The following NELL1 variants were observed in gnomAD, a reference collection of about 807,000 sequenced individuals.
The protein encoded by NELL1 is neural EGFL like 1, also known as protein kinase C-binding protein NELL1.
Under a neutral mutation model 107.4 loss-of-function variants are expected in NELL1, and 76 were observed. The observed-to-expected ratio is 0.71, with a 90% confidence interval of 0.59 to 0.86. NELL1 has a LOEUF of 0.86. Ranked by LOEUF, NELL1 falls within the 40% of genes least tolerant of loss-of-function variation. The pLI, the probability that NELL1 is intolerant of heterozygous loss-of-function variation, is 0.00. For missense variants in NELL1, 1,024 were observed against 1,005.5 expected (o/e 1.02, Z -0.25); for synonymous variants, 353 against 341.2 (o/e 1.03, Z -0.38).
At chr11:21,492,460 G>A (rs370158734) in intron 15 of NELL1, among the ~76,000 whole-genome samples, 5 of 151,472 alleles carry the variant, frequency 3.3e-5, no homozygotes, top group South Asian at 2.1e-4. Context: ...TGTTTATTGC[G>A]GCACTATTCA....
intron 15 of NELL1, among the ~76,000 whole-genome samples, chr11:21,397,376 T>C (rs919598637): frequency 6.6e-6 from 1 of 151,554 alleles, no homozygotes; most frequent in African/African-American, 2.4e-5. Context: ...AAGTAGTATA[T>C]TTTTATTGTA....
chr11:20,856,413 T>C (rs1360750171), intron 4 of NELL1, among the ~76,000 whole-genome samples: 2 of 152,212 alleles, frequency 1.3e-5, no homozygotes, highest in African/African-American at 4.8e-5. Flanking sequence ...CCCTACTCAT[T>C]AGAGTCTATT....
At chr11:20,815,099 C>CT (rs1857595234) in intron 3 of NELL1, among the ~76,000 whole-genome samples, 3 of 152,150 alleles carry the variant, frequency 2.0e-5, no homozygotes, top group African/African-American at 4.8e-5. Context: ...AAGTCTCTCT[C>CT]TGTCGCCCAG....
chr11:21,039,465 C>T (rs1037663509), intron 12 of NELL1, among the ~76,000 whole-genome samples: 3 of 152,062 alleles, frequency 2.0e-5, no homozygotes, highest in Admixed American at 2.0e-4. Context: ...GGATTACAGG[C>T]GTGAGCCACC....
In NELL1 at chr11:20,885,611, A is replaced by C. The variant is rs1849494270; in HGVS notation, c.603+71A>C. The C allele has an allele frequency of 5.3e-6, 5 of 951,496 alleles. No homozygotes were observed. The African/African-American group carries it at 6.5e-5, about 12-fold the overall frequency. The allele number at this position is 951,496 out of a possible 1,614,324, so 58.9% of individuals were successfully genotyped here. On this transcript the variant is annotated intron_variant, in intron 5 of 19. Transcript: ENST00000357134. The stretch of plus-strand genomic sequence containing the variant: ...CTCAGTTTTCTGTGTTATTTATTGG[A>C]GCCGTGTTTATAATTACATTAGTGG...
chr11:21,384,034 C>A (rs1487847468), intron 15 of NELL1: 3 of 151,910 alleles, frequency 2.0e-5, no homozygotes, highest in African/African-American at 4.8e-5. Context: ...CATTCAAATT[C>A]TTTGGCTTAA....
chr11:21,273,000 TCTC>T (rs1420167405), intron 14 of NELL1, among the ~76,000 whole-genome samples: 1 of 152,072 alleles, frequency 6.6e-6, no homozygotes, highest in African/African-American at 2.4e-5. Context: ...GAGCACCTCT[TCTC>T]CTCCAAAGGA....
At chr11:21,221,072 T>C (rs1260009335) in intron 13 of NELL1, among the ~76,000 whole-genome samples, 1 of 152,196 alleles carries the variant, frequency 6.6e-6, no homozygotes, top group African/African-American at 2.4e-5. Context: ...AGAGTTTTTA[T>C]CATGAAGTGA....
chr11:21,253,854 A>T (rs1423178541), intron 14 of NELL1, among the ~76,000 whole-genome samples: 1 of 152,160 alleles, frequency 6.6e-6, no homozygotes, highest in Non-Finnish European at 1.5e-5. Context: ...TAAACAAGCA[A>T]ATCAAGGCAA....
At chr11:21,305,543 T>G (rs1467695658) in intron 14 of NELL1, among the ~76,000 whole-genome samples, 1 of 151,818 alleles carries the variant, frequency 6.6e-6, no homozygotes, top group Non-Finnish European at 1.5e-5. Context: ...AAAAAGAATA[T>G]GATAAATAGC....
At chr11:20,861,743 C>T (rs1428880986) in intron 4 of NELL1, among the ~76,000 whole-genome samples, 1 of 152,188 alleles carries the variant, frequency 6.6e-6, no homozygotes, top group Non-Finnish European at 1.5e-5. Flanking sequence ...CAGGTGAGCA[C>T]AATGAGAGAC....
At chr11:21,358,709 G>A (rs976150403) in intron 14 of NELL1, among the ~76,000 whole-genome samples, 1 of 147,378 alleles carries the variant, frequency 6.8e-6, no homozygotes, top group African/African-American at 2.4e-5. Context: ...GACCCACCGT[G>A]CCCGGCCTTT....
chr11:21,024,659 G>A (rs189846935), intron 12 of NELL1, among the ~76,000 whole-genome samples: 1 of 152,162 alleles, frequency 6.6e-6, no homozygotes, highest in African/African-American at 2.4e-5. Context: ...CATTCTATCA[G>A]TGAAAAACAT....
chr11:21,553,100 T>C (rs949016106), intron 16 of NELL1, among the ~76,000 whole-genome samples: 2 of 151,856 alleles, frequency 1.3e-5, no homozygotes, highest in Non-Finnish European at 2.9e-5. Flanking sequence ...CTTCTTGTAG[T>C]GAATGAAATT....
intron 15 of NELL1, among the ~76,000 whole-genome samples, chr11:21,424,402 C>CT (rs1165869027): frequency 6.6e-6 from 1 of 152,062 alleles, no homozygotes; most frequent in Non-Finnish European, 1.5e-5. Flanking sequence ...CGGCGGATCA[C>CT]TTGAGGTCAG....
At chr11:21,383,650 C>T (rs929282480) in intron 15 of NELL1, among the ~76,000 whole-genome samples, 1 of 147,730 alleles carries the variant, frequency 6.8e-6, no homozygotes, top group Non-Finnish European at 1.5e-5. Context: ...CTATTACACA[C>T]CTACAGATTT....
chr11:21,522,165 C>T (rs868546561), intron 15 of NELL1, among the ~76,000 whole-genome samples: 3 of 150,516 alleles, frequency 2.0e-5, no homozygotes, highest in Admixed American at 6.6e-5. Flanking sequence ...ACCCGGGAGG[C>T]GGAGCTTGCA....
At chr11:20,878,380 A>AAAAAAT (rs1440168174) in intron 4 of NELL1, among the ~76,000 whole-genome samples, 1 of 147,534 alleles carries the variant, frequency 6.8e-6, no homozygotes. Context: ...AAAAAAAAAG[A>AAAAAAT]TGCCATTTGA....
intron 4 of NELL1, among the ~76,000 whole-genome samples, chr11:20,862,462 C>G (rs906301231): frequency 6.6e-6 from 1 of 152,110 alleles, no homozygotes; most frequent in Non-Finnish European, 1.5e-5. Flanking sequence ...CACATTATTA[C>G]CACCCAAAGT....
Sources: allele counts gnomAD v4.1 joint callset (sites outside exome capture counted in the v4.1 genomes callset), GRCh38; gene constraint gnomAD v4.1.1; transcripts MANE v1.5; gene names NCBI Gene and HGNC (gene_info 2026-07-23, HGNC 2026-07-21).